IDE: variants seen among roughly 807,000 people sequenced by gnomAD.
The protein encoded by IDE is insulin-degrading enzyme.
IDE carries 58 observed loss-of-function variants against 133.2 expected under a neutral mutation model. That is an observed-to-expected ratio of 0.44 (90% CI 0.35 to 0.54). IDE has a LOEUF of 0.54. Among genes scored for constraint, IDE ranks in the 20% least tolerant of loss-of-function variants. IDE has a pLI of 0.00. For missense variants in IDE, 981 were observed against 1,234.0 expected (o/e 0.79, Z 3.07); for synonymous variants, 396 against 421.3 (o/e 0.94, Z 0.73).
At chr10:92,497,777 G>A (rs1847793614) in intron 11 of IDE, 1 of 832,316 alleles carries the variant, frequency 1.2e-6, no homozygotes, top group Admixed American at 6.2e-5. Context: ...CAGTCACAGA[G>A]ACCAATCCTG....
chr10:92,568,297 G>A (rs946383604), intron 1 of IDE, among the ~76,000 whole-genome samples: 1 of 152,068 alleles, frequency 6.6e-6, no homozygotes, highest in Non-Finnish European at 1.5e-5. Flanking sequence ...TGATCAATAT[G>A]ATACCAGGGC....
At chr10:92,538,297 T>G (rs945753106) in intron 1 of IDE, among the ~76,000 whole-genome samples, 2 of 152,214 alleles carry the variant, frequency 1.3e-5, no homozygotes, top group Non-Finnish European at 2.9e-5. Context: ...TATTGAAAGA[T>G]AGGGTAGATC....
rs1842846016 is a variant in IDE, at chr10:92,552,857, C to CGAAAAAAAAAAAAAAAAAA, written c.99-15308_99-15307insTTTTTTTTTTTTTTTTTTC. 8.1e-5 allele frequency among the ~76,000 whole-genome samples: 4 copies of CGAAAAAAAAAAAAAAAAAA among 49,380 alleles called. 1 individual carries two copies. The highest frequency in any genetic ancestry group is 1.4e-4 in the Non-Finnish European group (4 of 28,916). 32.4% of individuals were successfully genotyped at this position (49,380 alleles called of 152,430 possible). A position where few individuals can be genotyped will look rare whatever the true frequency, so the allele number is the denominator to read the frequency against. ...TGGGTGACAGAGTAAGACTCAGTCT[C>CGAAAAAAAAAAAAAAAAAA]AAAAAAAAAAAAAAAAAAAAATTAT... On this transcript the variant is annotated intron_variant, in intron 1 of 24. Coordinates refer to ENST00000265986, the MANE Select transcript of IDE (RefSeq NM_004969.4).
intron 22 of IDE, among the ~76,000 whole-genome samples, chr10:92,458,858 C>G (rs77113527): frequency 0.037 from 5,568 of 152,044 alleles, 387 homozygotes; most frequent in African/African-American, 0.13. Flanking sequence ...TCTTGAACTC[C>G]TGGGCTCTAG....
In IDE at chr10:92,461,203, G is replaced by A. The variant is rs781508503; in HGVS notation, c.2811C>T (p.Ile937=). The stretch of plus-strand genomic sequence containing the variant: ...GAATTTGACTTACCTTGTAGAATTT[G>A]ATGATATCTTCCTTGGTAAGTGTCT... ...YLKTLTKEDI[I]KFYKEMLAVD... is the part of the protein sequence containing the mutation. Residue 937 remains isoleucine (I), a synonymous_variant, in exon 22 of 25, where the codon ATC becomes ATT. Coordinates refer to ENST00000265986, the MANE Select transcript of IDE (RefSeq NM_004969.4). The A allele has an allele frequency of 7.8e-6, 11 of 1,414,378 alleles. No homozygotes were observed. Among genetic ancestry groups the A allele is most frequent in the Admixed American group, 1.7e-5 (1 of 59,320 alleles). 87.6% of individuals were successfully genotyped at this position (1,414,378 alleles called of 1,614,324 possible).
chr10:92,475,078 T>C (rs1846181376), intron 16 of IDE, 117 bp from the exon 17 acceptor site: 1 of 723,252 alleles, frequency 1.4e-6, no homozygotes, highest in Non-Finnish European at 2.2e-6. Context: ...TATTCCCTTC[T>C]TTCCCCTTTC....
At chr10:92,492,155 G>A (rs560392870) in intron 11 of IDE, among the ~76,000 whole-genome samples, 1 of 151,986 alleles carries the variant, frequency 6.6e-6, no homozygotes, top group South Asian at 2.1e-4. Flanking sequence ...AGCTACTTGG[G>A]AGGCTGAGGC....
intron 4 of IDE, among the ~76,000 whole-genome samples, chr10:92,526,152 CAAA>C (rs748661052): frequency 3.6e-5 from 3 of 82,740 alleles, no homozygotes; most frequent in Non-Finnish European, 5.4e-5. Context: ...GACTCCGTCT[CAAA>C]AAAAAAAAAA....
chr10:92,554,110 G>A (rs745635999), intron 1 of IDE, among the ~76,000 whole-genome samples: 12 of 152,116 alleles, frequency 7.9e-5, no homozygotes, highest in East Asian at 1.9e-4. Context: ...TCAACAGCAC[G>A]TTAAAAGGAT....
intron 2 of IDE, among the ~76,000 whole-genome samples, chr10:92,537,002 C>T (rs182331722): frequency 1.3e-5 from 2 of 150,500 alleles, no homozygotes; most frequent in Admixed American, 1.3e-4. Context: ...TGCGCCACTG[C>T]ACTCCAGCCT....
chr10:92,527,095 T>C (rs1849665293), intron 4 of IDE, among the ~76,000 whole-genome samples: 1 of 152,170 alleles, frequency 6.6e-6, no homozygotes, highest in South Asian at 2.1e-4. Flanking sequence ...TAAGAACATT[T>C]CCTCTATCTG....
intron 1 of IDE, among the ~76,000 whole-genome samples, chr10:92,573,500 C>A (rs1217045702): frequency 2.0e-5 from 3 of 152,240 alleles, no homozygotes; most frequent in Admixed American, 6.5e-5. Context: ...GCGGTCCCCC[C>A]GAAGTCGCCG....
intron 1 of IDE, among the ~76,000 whole-genome samples, chr10:92,550,650 CA>C (rs71028826): frequency 0.27 from 15,382 of 57,480 alleles, 683 homozygotes; most frequent in East Asian, 0.54. Flanking sequence ...GACTCCGTCT[CA>C]AAAAAAAAAA....
At chr10:92,455,714 T>C (rs1844971060) in intron 23 of IDE, 71 bp from the exon 24 acceptor site, 1 of 813,586 alleles carries the variant, frequency 1.2e-6, no homozygotes, top group Non-Finnish European at 2.0e-6. Context: ...AAAAAAAAAC[T>C]AAACCAGACT....
intron 1 of IDE, among the ~76,000 whole-genome samples, chr10:92,542,030 T>A (rs1842332068): frequency 6.6e-6 from 1 of 152,058 alleles, no homozygotes; most frequent in African/African-American, 2.4e-5. Context: ...CCCCTCCACA[T>A]CCAAACAAAC....
In IDE at chr10:92,451,892, G is replaced by C. The variant is rs1357887790; in HGVS notation, c.*2552C>G. On this transcript the variant is annotated 3_prime_UTR_variant, in exon 25 of 25. Coordinates refer to ENST00000265986, the MANE Select transcript of IDE (RefSeq NM_004969.4). The stretch of plus-strand genomic sequence containing the variant: ...AGATGTAAGGACTCATTGTAGAGGA[G>C]AGAAATATTTTTTCTATCCTTTTTA... The C allele has an allele frequency of 6.6e-6, 1 of 152,220 alleles. No homozygotes were observed. Among genetic ancestry groups the C allele is most frequent in the Non-Finnish European group, 1.5e-5 (1 of 68,036 alleles). The allele number at this position is 152,220 out of a possible 1,614,324, so 9.4% of individuals were successfully genotyped here. A position where few individuals can be genotyped will look rare whatever the true frequency, so the allele number is the denominator to read the frequency against.
At chr10:92,462,250 AGAGGTTGCAGT>A (rs1845430852) in intron 21 of IDE, among the ~76,000 whole-genome samples, 1 of 150,022 alleles carries the variant, frequency 6.7e-6, no homozygotes, top group Non-Finnish European at 1.5e-5. Context: ...CCTGGGAAGC[AGAGGTTGCAGT>A]GAGCCAAGAT....
At chr10:92,487,527 C>T (rs1037913433) in intron 12 of IDE, among the ~76,000 whole-genome samples, 3 of 152,138 alleles carry the variant, frequency 2.0e-5, no homozygotes, top group Non-Finnish European at 4.4e-5. Flanking sequence ...AGATTTTGCA[C>T]TCATATATCT....
At chr10:92,504,405 C>G (rs578097895) in intron 11 of IDE, among the ~76,000 whole-genome samples, 1 of 152,048 alleles carries the variant, frequency 6.6e-6, no homozygotes, top group African/African-American at 2.4e-5. Context: ...AAAGAGGGTG[C>G]CTTCATTTGC....
Sources: gnomAD v4.1 joint callset for allele counts (sites outside exome capture counted in the v4.1 genomes callset) on GRCh38, gnomAD v4.1.1 for gene constraint, MANE v1.5 for transcripts, NCBI Gene and HGNC (gene_info 2026-07-23, HGNC 2026-07-21) for gene names.